LRMDA: variants seen among roughly 807,000 people sequenced by gnomAD.
The protein encoded by LRMDA is leucine rich melanocyte differentiation associated, also known as leucine-rich melanocyte differentiation-associated protein.
In LRMDA, 18 loss-of-function variants were observed where a neutral mutation model predicts 29.8. That is an observed-to-expected ratio of 0.60 (90% CI 0.42 to 0.90). The LOEUF (loss-of-function observed/expected upper bound fraction) is 0.90. Among genes scored for constraint, LRMDA ranks in the 40% least tolerant of loss-of-function variants. The pLI is 0.00. For missense variants in LRMDA, 273 were observed against 273.9 expected (o/e 1.00, Z 0.02); for synonymous variants, 125 against 109.4 (o/e 1.14, Z -0.89).
At chr10:76,261,400 C>G (rs141452684) in intron 5 of LRMDA, among the ~76,000 whole-genome samples, 434 of 152,128 alleles carry the variant, frequency 2.9e-3, no homozygotes, top group African/African-American at 9.6e-3. Flanking sequence ...AGCTAATCAC[C>G]TGGGTCAGAC....
intron 5 of LRMDA, among the ~76,000 whole-genome samples, chr10:76,228,580 G>T (rs79210241): frequency 0.012 from 1,753 of 152,210 alleles, 42 homozygotes; most frequent in African/African-American, 0.037. Context: ...AATCATAGGG[G>T]GTTGAATCGG....
intron 2 of LRMDA, among the ~76,000 whole-genome samples, chr10:75,629,916 A>G (rs1042116426): frequency 6.6e-6 from 1 of 152,228 alleles, no homozygotes; most frequent in East Asian, 1.9e-4. Flanking sequence ...GGCCTGAATC[A>G]TCTGCAATCA....
At chr10:75,988,024 C>T (rs1289166782) in intron 2 of LRMDA, among the ~76,000 whole-genome samples, 5 of 152,250 alleles carry the variant, frequency 3.3e-5, no homozygotes, top group Admixed American at 6.5e-5. Context: ...ATATGTGTTT[C>T]GTTTAAAAGC....
intron 5 of LRMDA, among the ~76,000 whole-genome samples, chr10:76,123,528 A>G (rs765918): frequency 0.34 from 51,007 of 151,936 alleles, 9,504 homozygotes; most frequent in East Asian, 0.66. Flanking sequence ...AAACAAAAAC[A>G]AAACAAGTCA....
intron 2 of LRMDA, among the ~76,000 whole-genome samples, chr10:75,974,323 A>T (rs914503422): frequency 6.6e-6 from 1 of 152,186 alleles, no homozygotes; most frequent in Non-Finnish European, 1.5e-5. Flanking sequence ...GCAAAGTGGG[A>T]TGCTCAACAT....
chr10:76,148,487 G>A (rs1472666681), intron 5 of LRMDA, among the ~76,000 whole-genome samples: 3 of 152,128 alleles, frequency 2.0e-5, no homozygotes, highest in Non-Finnish European at 4.4e-5. Flanking sequence ...AGGACCCTCC[G>A]AGCCATGTGT....
chr10:75,902,431 T>C (rs528003068), intron 2 of LRMDA, among the ~76,000 whole-genome samples: 3 of 152,232 alleles, frequency 2.0e-5, no homozygotes, highest in South Asian at 4.2e-4. Flanking sequence ...TCTAAAGTGC[T>C]TGGCCTTGGG....
chr10:75,906,105 T>G (rs1409238121), intron 2 of LRMDA, among the ~76,000 whole-genome samples: 1 of 151,834 alleles, frequency 6.6e-6, no homozygotes, highest in Non-Finnish European at 1.5e-5. Flanking sequence ...CCCCTGCCTC[T>G]GTTTTCTCAT....
chr10:75,454,836 A>G (rs998475502), intron 2 of LRMDA, among the ~76,000 whole-genome samples: 3 of 152,226 alleles, frequency 2.0e-5, no homozygotes, highest in African/African-American at 7.2e-5. Context: ...TACCTGGGGT[A>G]TAGAAAAATG....
At chr10:75,977,513 C>T (rs568728863) in intron 2 of LRMDA, among the ~76,000 whole-genome samples, 2 of 152,294 alleles carry the variant, frequency 1.3e-5, no homozygotes, top group African/African-American at 4.8e-5. Flanking sequence ...TCTTTTTGGA[C>T]ATCTTTTTAA....
At chr10:75,869,740 C>T (rs925667801) in intron 2 of LRMDA, among the ~76,000 whole-genome samples, 2 of 152,152 alleles carry the variant, frequency 1.3e-5, no homozygotes, top group Non-Finnish European at 2.9e-5. Flanking sequence ...CTGGTTCCTG[C>T]CTGTCTTCCC....
chr10:76,101,064 A>C (rs1849387298), intron 5 of LRMDA, among the ~76,000 whole-genome samples: 1 of 152,250 alleles, frequency 6.6e-6, no homozygotes, highest in Non-Finnish European at 1.5e-5. Context: ...CAAGAAAAGT[A>C]ATAATTTTAC....
chr10:75,686,331 T>C (rs72809471), intron 2 of LRMDA, among the ~76,000 whole-genome samples: 3,239 of 152,306 alleles, frequency 0.021, 47 homozygotes, highest in South Asian at 0.033. Context: ...GGCCTTCTCC[T>C]GTTTATCCCT....
chr10:75,522,931 G>A (rs1845376955), intron 2 of LRMDA, among the ~76,000 whole-genome samples: 1 of 152,214 alleles, frequency 6.6e-6, no homozygotes, highest in Non-Finnish European at 1.5e-5. Flanking sequence ...CTGGCTCTGA[G>A]CTGAGCCTGA....
At chr10:75,432,800 G>A (rs142375575) in intron 1 of LRMDA, among the ~76,000 whole-genome samples, 13 of 152,314 alleles carry the variant, frequency 8.5e-5, no homozygotes, top group African/African-American at 3.1e-4. Context: ...TAAACTAGCC[G>A]CTGCCTGTTT....
intron 2 of LRMDA, among the ~76,000 whole-genome samples, chr10:75,703,791 AAT>A (rs2132171568): frequency 6.6e-6 from 1 of 152,370 alleles, no homozygotes; most frequent in African/African-American, 2.4e-5. Context: ...CAAATGTCAG[AAT>A]AAAATAGGGC....
Position 75,766,529 on chromosome 10 carries a change from G to A in LRMDA, c.132-269479G>A, listed in dbSNP as rs567068461. Among the ~76,000 whole-genome samples the A allele has an allele frequency of 9.2e-5, 14 of 152,116 alleles. No individual in the cohort carries two copies. The South Asian group carries it at 2.1e-3, about 23-fold the overall frequency. On this transcript the variant is annotated intron_variant, in intron 2 of 6. Coordinates refer to ENST00000611255, the MANE Select transcript of LRMDA (RefSeq NM_001305581.2). Reference sequence around the variant, plus strand: ...GGATGTTTTTCTGCTTCTTCCTTCCGAACCCTTCCCTGGGATTTGCATGCT... The same window carrying A: ...GGATGTTTTTCTGCTTCTTCCTTCCAAACCCTTCCCTGGGATTTGCATGCT...
intron 2 of LRMDA, among the ~76,000 whole-genome samples, chr10:75,818,882 G>A (rs4746334): frequency 0.38 from 57,860 of 152,046 alleles, 12,973 homozygotes; most frequent in South Asian, 0.51. Context: ...CATGAGTAAA[G>A]TAGGGGCAAT....
intron 6 of LRMDA, among the ~76,000 whole-genome samples, chr10:76,531,199 G>T (rs1357389394): frequency 4.6e-5 from 7 of 152,126 alleles, no homozygotes; most frequent in African/African-American, 1.7e-4. Flanking sequence ...GGAGAGACCA[G>T]CCCCTGTGCT....
Sources: allele counts gnomAD v4.1 joint callset (sites outside exome capture counted in the v4.1 genomes callset), GRCh38; gene constraint gnomAD v4.1.1; transcripts MANE v1.5; gene names NCBI Gene and HGNC (gene_info 2026-07-23, HGNC 2026-07-21).